The following ASCC3 variants were observed in gnomAD, a reference collection of about 807,000 sequenced individuals.
The protein encoded by ASCC3 is activating signal cointegrator 1 complex subunit 3.
Under a neutral mutation model 256.3 loss-of-function variants are expected in ASCC3, and 158 were observed. The observed-to-expected ratio is 0.62, with a 90% confidence interval of 0.54 to 0.70. The LOEUF is 0.70. Among genes scored for constraint, ASCC3 ranks in the 30% least tolerant of loss-of-function variants. The pLI, the probability that ASCC3 is intolerant of heterozygous loss-of-function variation, is 0.00. For synonymous variants in ASCC3, 948 were observed against 883.4 expected (o/e 1.07, Z -1.30); for missense variants, 2,259 against 2,626.0 (o/e 0.86, Z 3.05).
intron 10 of ASCC3, among the ~76,000 whole-genome samples, chr6:100,728,636 A>G (rs1779749916): frequency 6.6e-6 from 1 of 152,160 alleles, no homozygotes; most frequent in Admixed American, 6.6e-5. Context: ...AATAAGTAAT[A>G]TATTTATACA....
chr6:100,640,994 T>C (rs1408167672), intron 24 of ASCC3, among the ~76,000 whole-genome samples: 1 of 152,094 alleles, frequency 6.6e-6, no homozygotes, highest in African/African-American at 2.4e-5. Flanking sequence ...TGAGAAAAAA[T>C]ATGGACTTTC....
chr6:100,590,815 T>C (rs1395082652), intron 34 of ASCC3, among the ~76,000 whole-genome samples: 1 of 152,144 alleles, frequency 6.6e-6, no homozygotes, highest in African/African-American at 2.4e-5. Flanking sequence ...ATTTTTGTGA[T>C]ATTTTTCATT....
intron 36 of ASCC3, among the ~76,000 whole-genome samples, chr6:100,579,837 G>A (rs1198516242): frequency 4.6e-5 from 7 of 152,024 alleles, no homozygotes; most frequent in Non-Finnish European, 1.0e-4. Flanking sequence ...TATAAAGTTT[G>A]AATAGTCTTT....
chr6:100,554,781 G>A (rs949931983), intron 36 of ASCC3, among the ~76,000 whole-genome samples: 3 of 151,804 alleles, frequency 2.0e-5, no homozygotes, highest in Admixed American at 6.6e-5. Flanking sequence ...AAACAATCTG[G>A]CGTTTACCAC....
At position 100,679,768 on chromosome 6, in the gene ASCC3, G is replaced by A. The variant is rs1777203781; in HGVS notation, c.2152-16C>T. On this transcript the variant is annotated splice_polypyrimidine_tract_variant and intron_variant, in intron 13 of 41. Transcript: ENST00000369162. Reference sequence around the variant, plus strand: ...ACACCATCACCTGAAAAAAAGGAAAGCAGTTTATTTAATATTCCAATTAAT... The same window carrying A: ...ACACCATCACCTGAAAAAAAGGAAAACAGTTTATTTAATATTCCAATTAAT... The A allele has an allele frequency of 3.7e-6, 6 of 1,612,516 alleles. No homozygotes were observed. The highest frequency in any genetic ancestry group is 1.3e-5 in the African/African-American group (1 of 74,858).
chr6:100,679,806 T>C, intron 13 of ASCC3, 54 bp from the exon 14 acceptor site: 2 of 1,564,002 alleles, frequency 1.3e-6, no homozygotes, highest in Non-Finnish European at 1.8e-6. Context: ...AATTACAGCT[T>C]AATAGTAGCC....
In ASCC3 at chr6:100,652,822, G is replaced by C; in HGVS notation, c.2891C>G (p.Ala964Gly). 1 of 1,613,892 alleles carries C rather than the reference G, an allele frequency of 6.2e-7. No individual in the cohort carries two copies. The highest frequency in any genetic ancestry group is 1.1e-5 in the South Asian group (1 of 91,068). The change falls in exon 18 of 42, where the codon GCT becomes GGT. Residue 964 changes from alanine (A) to glycine (G), a missense_variant. This residue lies in a region of ASCC3 where 1,839 missense variants were observed against 2,206.7 expected (regional missense o/e 0.83). Transcript: ENST00000369162. ...VIEVGRKLDK[A>G]QMIRFEERTG... ...TCGCTCCTCAAAACGAATCATCTGAGCTTTGTCTAGTTTTCGTCCAACTTC... is the reference window on the plus strand; with the variant it reads ...TCGCTCCTCAAAACGAATCATCTGACCTTTGTCTAGTTTTCGTCCAACTTC...
At position 100,646,728 on chromosome 6, in the gene ASCC3, G is replaced by GT; in HGVS notation, c.3519dup (p.Gln1174ThrfsTer32). ...ACAGAAGGAATCTGATGAACACATTGTTTGACCTTCAGTCCAATATTCACA... is the reference window on the plus strand; with the variant it reads ...ACAGAAGGAATCTGATGAACACATTGTTTTGACCTTCAGTCCAATATTCACA... On this transcript the variant is annotated frameshift_variant, in exon 22 of 42. Coordinates refer to ENST00000369162, the MANE Select transcript of ASCC3 (RefSeq NM_006828.4). LOFTEE classifies it high-confidence loss of function. 1 of 1,613,884 alleles carries GT rather than the reference G, an allele frequency of 6.2e-7. No homozygotes were observed. The highest frequency in any genetic ancestry group is 8.5e-7 in the Non-Finnish European group (1 of 1,179,838).
At chr6:100,572,086 C>T (rs1023713200) in intron 36 of ASCC3, among the ~76,000 whole-genome samples, 1 of 152,002 alleles carries the variant, frequency 6.6e-6, no homozygotes, top group Non-Finnish European at 1.5e-5. Context: ...TCTATATAGA[C>T]GATGCTATAG....
chr6:100,737,363 T>A lies in ASCC3; in HGVS notation c.1738-11660A>T, dbSNP rs142806720. Among the ~76,000 whole-genome samples, 1,501 of 152,172 alleles carry A rather than the reference T, an allele frequency of 9.9e-3. 11 individuals are homozygous for A. Among genetic ancestry groups the A allele is most frequent in the Non-Finnish European group, 0.014 (929 of 67,994 alleles). On this transcript the variant is annotated intron_variant, in intron 10 of 41. Coordinates refer to ENST00000369162, the MANE Select transcript of ASCC3 (RefSeq NM_006828.4). ...TATTAAGCCCAGCATCCCTTAGCTA[T>A]TCCTCTTGATGCTCTCCCTCCCTCA...
chr6:100,854,721 A>G (rs1280829747), intron 3 of ASCC3, among the ~76,000 whole-genome samples: 2 of 152,184 alleles, frequency 1.3e-5, no homozygotes, highest in Non-Finnish European at 2.9e-5. Flanking sequence ...TCAAATTACA[A>G]TGTAACTTCC....
intron 36 of ASCC3, among the ~76,000 whole-genome samples, chr6:100,572,019 A>G (rs754161999): frequency 2.0e-5 from 3 of 152,234 alleles, no homozygotes; most frequent in Non-Finnish European, 2.9e-5. Context: ...CTTTCTGCAC[A>G]TGGACTATTG....
intron 14 of ASCC3, among the ~76,000 whole-genome samples, chr6:100,677,511 T>G (rs1179622685): frequency 6.6e-6 from 1 of 152,134 alleles, no homozygotes; most frequent in Admixed American, 6.5e-5. Flanking sequence ...AATTATTTAC[T>G]TTCTCAGTTT....
chr6:100,548,198 A>G (rs1273004783), intron 36 of ASCC3, among the ~76,000 whole-genome samples: 1 of 151,926 alleles, frequency 6.6e-6, no homozygotes, highest in Non-Finnish European at 1.5e-5. Context: ...ACAACTTTTG[A>G]TTTGCACTCA....
At chr6:100,527,605 A>G (rs1774645476) in intron 37 of ASCC3, among the ~76,000 whole-genome samples, 1 of 152,180 alleles carries the variant, frequency 6.6e-6, no homozygotes, top group Non-Finnish European at 1.5e-5. Context: ...CTCCATGGCA[A>G]TTCTACCTCC....
chr6:100,601,794 C>G lies in ASCC3; in HGVS notation c.5303+16G>C. 1 of 1,611,310 alleles carries G rather than the reference C, an allele frequency of 6.2e-7. No homozygotes were observed. The highest frequency in any genetic ancestry group is 8.5e-7 in the Non-Finnish European group (1 of 1,178,078). On this transcript the variant is annotated intron_variant, in intron 34 of 41. Coordinates refer to ENST00000369162, the MANE Select transcript of ASCC3 (RefSeq NM_006828.4). ...CGGGGCAAAACAGAAAGGTATATAA[C>G]TGCCCTTGCACTTACCTGGGATTCA...
intron 13 of ASCC3, among the ~76,000 whole-genome samples, chr6:100,683,290 T>C (rs933573956): frequency 2.0e-5 from 3 of 152,154 alleles, no homozygotes; most frequent in African/African-American, 4.8e-5. Flanking sequence ...TTAGCAGATA[T>C]GGAGAACATA....
Position 100,723,877 on chromosome 6 carries a change from TATATATATATATATATATATTTATA to T in ASCC3, c.1902+1637_1902+1661del, listed in dbSNP as rs1265319330. 3.1e-5 allele frequency among the ~76,000 whole-genome samples: 4 copies of T among 127,776 alleles called. 1 individual carries two copies. Among genetic ancestry groups the T allele is most frequent in the Admixed American group, 2.3e-4 (3 of 12,772 alleles). 83.8% of individuals were successfully genotyped at this position (127,776 alleles called of 152,430 possible). Reference sequence around the variant, plus strand: ...TTAGGGAATTATATATATATATATATATATATATATATATATATATTTATAATTATATATATGACACATATATATA... The same window carrying T: ...TTAGGGAATTATATATATATATATATATTATATATATGACACATATATATA... On this transcript the variant is annotated intron_variant, in intron 11 of 41. Coordinates refer to ENST00000369162, the MANE Select transcript of ASCC3 (RefSeq NM_006828.4).
intron 3 of ASCC3, among the ~76,000 whole-genome samples, chr6:100,852,041 G>A (rs542659302): frequency 6.6e-6 from 1 of 152,308 alleles, no homozygotes; most frequent in Non-Finnish European, 1.5e-5. Context: ...CTGTTAGCAC[G>A]CTGCCCAGAT....
Sources: gnomAD v4.1 joint callset for allele counts (sites outside exome capture counted in the v4.1 genomes callset) on GRCh38, gnomAD v4.1.1 for gene constraint, gnomAD v4.1.1 regional missense constraint, MANE v1.5 for transcripts, NCBI Gene and HGNC (gene_info 2026-07-23, HGNC 2026-07-21) for gene names.